Variants in TMPRSS11F observed in about 807,000 individuals in gnomAD.
TMPRSS11F encodes the protein transmembrane protease serine 11F.
Under a neutral mutation model 60.2 loss-of-function variants are expected in TMPRSS11F, and 47 were observed. The observed-to-expected ratio is 0.78, with a 90% confidence interval of 0.62 to 1.00. TMPRSS11F has a LOEUF of 1.00. TMPRSS11F is among the 50% of genes least tolerant of loss of function. TMPRSS11F has a pLI of 0.00. For synonymous variants in TMPRSS11F, 166 were observed against 167.3 expected (o/e 0.99, Z 0.06); for missense variants, 519 against 522.9 (o/e 0.99, Z 0.07).
chr4:68,108,940 C>A (rs1397207752), intron 1 of TMPRSS11F, among the ~76,000 whole-genome samples: 1 of 152,174 alleles, frequency 6.6e-6, no homozygotes, highest in Non-Finnish European at 1.5e-5. Context: ...AATTAATCCA[C>A]TTCAATCACC....
intron 1 of TMPRSS11F, among the ~76,000 whole-genome samples, chr4:68,102,891 A>G (rs555832828): frequency 6.6e-6 from 1 of 151,720 alleles, no homozygotes; most frequent in Admixed American, 6.6e-5. Context: ...ATCACTGCCA[A>G]GGCCAATGTC....
chr4:68,107,344 G>A (rs1269371374), intron 1 of TMPRSS11F, among the ~76,000 whole-genome samples: 1 of 152,154 alleles, frequency 6.6e-6, no homozygotes, highest in Non-Finnish European at 1.5e-5. Context: ...ATACATAAAT[G>A]TCAGGTATCA....
At chr4:68,107,455 T>C (rs562681614) in intron 1 of TMPRSS11F, among the ~76,000 whole-genome samples, 2 of 152,128 alleles carry the variant, frequency 1.3e-5, no homozygotes, top group African/African-American at 4.8e-5. Flanking sequence ...AGTGGAGACA[T>C]GAACAAGGTG....
At chr4:68,118,974 C>T (rs1393404763) in intron 1 of TMPRSS11F, among the ~76,000 whole-genome samples, 1 of 152,110 alleles carries the variant, frequency 6.6e-6, no homozygotes, top group East Asian at 1.9e-4. Flanking sequence ...AGGCTGAAAG[C>T]TAGGCCTCTT....
intron 8 of TMPRSS11F, chr4:68,062,145 T>C (rs1051146675): frequency 3.0e-5 from 13 of 437,070 alleles, no homozygotes; most frequent in Admixed American, 1.5e-4. Context: ...CAAACTATGT[T>C]TTATAAATAA....
chr4:68,071,438 G>A (rs1723460568), intron 5 of TMPRSS11F, among the ~76,000 whole-genome samples: 1 of 151,942 alleles, frequency 6.6e-6, no homozygotes, highest in African/African-American at 2.4e-5. Flanking sequence ...ATCTTTTTTT[G>A]TATTAAATTA....
chr4:68,115,321 C>T (rs1463216398), intron 1 of TMPRSS11F, among the ~76,000 whole-genome samples: 1 of 135,258 alleles, frequency 7.4e-6, no homozygotes, highest in Admixed American at 8.3e-5. Flanking sequence ...CGCACCACTG[C>T]ACTCCAGCCT....
intron 1 of TMPRSS11F, among the ~76,000 whole-genome samples, chr4:68,099,286 T>A (rs1724141646): frequency 6.6e-6 from 1 of 152,248 alleles, no homozygotes; most frequent in South Asian, 2.1e-4. Flanking sequence ...CGGCATTTTA[T>A]CCGGCTTATT....
chr4:68,056,773 C>T (rs1294195522), intron 9 of TMPRSS11F, among the ~76,000 whole-genome samples: 1 of 151,970 alleles, frequency 6.6e-6, no homozygotes, highest in Non-Finnish European at 1.5e-5. Context: ...CCTTATACTA[C>T]CTGGTTTCAA....
chr4:68,069,623 TA>T (rs112167133), intron 6 of TMPRSS11F, among the ~76,000 whole-genome samples: 33,009 of 151,134 alleles, frequency 0.22, 4,039 homozygotes, highest in Admixed American at 0.37. Flanking sequence ...GCAAGCAAAT[TA>T]AAAAAAAATT....
At chr4:68,114,037 T>C (rs1403670327) in intron 1 of TMPRSS11F, among the ~76,000 whole-genome samples, 6 of 151,854 alleles carry the variant, frequency 4.0e-5, no homozygotes, top group Non-Finnish European at 5.9e-5. Flanking sequence ...ACTTAGGAAT[T>C]AAAAAGAAGT....
At chr4:68,124,562 T>C (rs1161874953) in intron 1 of TMPRSS11F, among the ~76,000 whole-genome samples, 1 of 152,218 alleles carries the variant, frequency 6.6e-6, no homozygotes, top group Non-Finnish European at 1.5e-5. Flanking sequence ...GATTCATTGA[T>C]TCTTTTGTTA....
intron 3 of TMPRSS11F, 56 bp downstream of exon 3, chr4:68,090,467 T>C: frequency 6.6e-7 from 1 of 1,520,854 alleles, no homozygotes; most frequent in Non-Finnish European, 8.8e-7. Flanking sequence ...AACACCCACA[T>C]TCAAAGTGAT....
chr4:68,112,460 C>T lies in TMPRSS11F; in HGVS notation c.12-13422G>A, dbSNP rs530304947. 9.9e-5 allele frequency among the ~76,000 whole-genome samples: 15 copies of T among 152,234 alleles called. No homozygotes were observed. The South Asian group carries it at 3.1e-3, about 32-fold the overall frequency. On this transcript the variant is annotated intron_variant, in intron 1 of 9. Transcript: ENST00000356291. ...TTTTATGTTATTTGTTGTGCTCTCT[C>T]TGCTAAGCTTATGTTCCCATGGTGC...
chr4:68,053,732 A>C lies in TMPRSS11F; in HGVS notation c.*177T>G. On this transcript the variant is annotated 3_prime_UTR_variant, in exon 10 of 10. Transcript: ENST00000356291. ...GCTGTGTCTTCTTCCCTCATGGTAG[A>C]GAGGGTTTGGTCCTACGTATGTAAA... 1 of 500,108 alleles carries C rather than the reference A, an allele frequency of 2.0e-6. No individual in the cohort carries two copies. 31.0% of individuals were successfully genotyped at this position (500,108 alleles called of 1,614,324 possible). A position where few individuals can be genotyped will look rare whatever the true frequency, so the allele number is the denominator to read the frequency against.
intron 3 of TMPRSS11F, among the ~76,000 whole-genome samples, chr4:68,082,186 G>T (rs1373547078): frequency 6.6e-6 from 1 of 152,174 alleles, no homozygotes; most frequent in Non-Finnish European, 1.5e-5. Flanking sequence ...AACTAGGGAA[G>T]GGGTGAATGA....
At chr4:68,108,800 A>C (rs564160363) in intron 1 of TMPRSS11F, among the ~76,000 whole-genome samples, 1 of 152,332 alleles carries the variant, frequency 6.6e-6, no homozygotes, top group Admixed American at 6.5e-5. Context: ...GTCTTTGATA[A>C]AGGGACAGGC....
intron 9 of TMPRSS11F, among the ~76,000 whole-genome samples, chr4:68,056,444 C>CAA (rs60388608): frequency 3.6e-5 from 4 of 111,584 alleles, no homozygotes; most frequent in South Asian, 2.9e-4. Flanking sequence ...AAAAAAATAG[C>CAA]AAAAAAAAAA....
intron 1 of TMPRSS11F, among the ~76,000 whole-genome samples, chr4:68,109,354 G>A (rs1724362686): frequency 6.6e-6 from 1 of 151,918 alleles, no homozygotes; most frequent in South Asian, 2.1e-4. Context: ...CAAACCACAG[G>A]GTTAAATTCT....
Sources: gnomAD v4.1 joint callset for allele counts (sites outside exome capture counted in the v4.1 genomes callset) on GRCh38, gnomAD v4.1.1 for gene constraint, MANE v1.5 for transcripts, NCBI Gene and HGNC (gene_info 2026-07-23, HGNC 2026-07-21) for gene names.